The following C9orf85 variants were observed in gnomAD, a reference collection of about 807,000 sequenced individuals.
The protein encoded by C9orf85 is uncharacterized protein C9orf85.
C9orf85 carries 16 observed loss-of-function variants against 14.9 expected under a neutral mutation model. That is an observed-to-expected ratio of 1.08 (90% CI 0.73 to 1.63). The LOEUF is 1.63. Among genes scored for constraint, C9orf85 ranks in the 40% most tolerant of loss-of-function variants. The pLI is 0.00. For missense variants in C9orf85, 172 were observed against 186.1 expected, an observed-to-expected ratio of 0.92 and a Z score of 0.44; for synonymous variants, 45 against 56.8, an observed-to-expected ratio of 0.79 and a Z score of 0.93.
chr9:71,971,580 T>G lies in C9orf85; in HGVS notation c.285T>G (p.Val95=). The change falls in exon 3 of 4, where the codon GTT becomes GTG. Residue 95 remains valine (V), a synonymous_variant. Transcript: ENST00000334731. ...MCRPCACELE[V]CAKCGKKEDI... ...GGCCATGTGCCTGTGAACTTGAAGT[T>G]TGCGCAAAATGTGGAAAGAAAGAAG... is the stretch of plus-strand genomic sequence containing the variant. The G allele has an allele frequency of 1.2e-6, 2 of 1,612,018 alleles. No individual in the cohort carries two copies.
chr9:71,974,410 A>G (rs527831656), downstream of C9orf85, among the ~76,000 whole-genome samples: 197 of 151,022 alleles, frequency 1.3e-3, 1 homozygote, highest in South Asian at 5.0e-3. Context: ...CACCTGGGTA[A>G]TTTTTGTATT....
chr9:71,952,479 C>T (rs1203898198), intron 2 of C9orf85, among the ~76,000 whole-genome samples: 1 of 152,202 alleles, frequency 6.6e-6, no homozygotes, highest in Non-Finnish European at 1.5e-5. Context: ...ATTCTCCTGC[C>T]TCAGCCTCCC....
chr9:71,956,000 T>C (rs1001949735), intron 2 of C9orf85, among the ~76,000 whole-genome samples: 9 of 152,110 alleles, frequency 5.9e-5, no homozygotes, highest in African/African-American at 2.2e-4. Flanking sequence ...AAAGGAAAAA[T>C]AAATGGATAC....
At chr9:71,968,158 C>CGT (rs1355998575) in intron 2 of C9orf85, among the ~76,000 whole-genome samples, 1 of 151,030 alleles carries the variant, frequency 6.6e-6, no homozygotes, top group East Asian at 1.9e-4. Flanking sequence ...AGTGAGCAAG[C>CGT]GTGTGTGCAA....
downstream of C9orf85, among the ~76,000 whole-genome samples, chr9:71,977,860 C>T (rs562291088): frequency 2.0e-5 from 3 of 152,272 alleles, no homozygotes; most frequent in East Asian, 5.8e-4. Flanking sequence ...GAATTGCTTA[C>T]TCATCTCTAT....
At position 71,978,892 on chromosome 9, in the gene C9orf85, G is replaced by A. The variant is rs140465604; in HGVS notation, c.324-3765G>A. On this transcript the variant is annotated intron_variant, in intron 3 of 3. Coordinates refer to the C9orf85 transcript ENST00000377031. ...CTACTAAAAATACAAAAAATTAGCC[G>A]GGCGTGGAGGCGGGTGCCTGTAGTC... is the stretch of plus-strand genomic sequence containing the variant. Among the ~76,000 whole-genome samples the A allele has an allele frequency of 3.7e-3, 568 of 152,244 alleles. 3 individuals are homozygous for A. The highest frequency in any genetic ancestry group is 0.013 in the African/African-American group (528 of 41,556).
intron 1 of C9orf85, among the ~76,000 whole-genome samples, chr9:71,931,014 T>C (rs2132274783): frequency 6.6e-6 from 1 of 152,258 alleles, no homozygotes; most frequent in East Asian, 1.9e-4. Context: ...AGATTTGGCT[T>C]AAATTTCAGG....
chr9:71,976,802 C>G (rs148638914), downstream of C9orf85, among the ~76,000 whole-genome samples: 638 of 151,532 alleles, frequency 4.2e-3, 5 homozygotes, highest in African/African-American at 0.014. Context: ...TGGCAAAAAG[C>G]CATTCCCATG....
intron 3 of C9orf85, among the ~76,000 whole-genome samples, chr9:71,982,264 T>A (rs1823110245): frequency 6.6e-6 from 1 of 152,134 alleles, no homozygotes; most frequent in African/African-American, 2.4e-5. Context: ...CATTCCATTG[T>A]ATGGACATAC....
intron 1 of C9orf85, among the ~76,000 whole-genome samples, chr9:71,932,763 A>G (rs2132278198): frequency 6.6e-6 from 1 of 152,332 alleles, no homozygotes; most frequent in Non-Finnish European, 1.5e-5. Context: ...TTCAAAGGAA[A>G]AAAGTAAATC....
intron 1 of C9orf85, among the ~76,000 whole-genome samples, chr9:71,944,176 G>A (rs1461420511): frequency 1.3e-5 from 2 of 151,692 alleles, no homozygotes; most frequent in Non-Finnish European, 2.9e-5. Context: ...AGAGGTTGCA[G>A]TGAGCTAAGA....
intron 2 of C9orf85, among the ~76,000 whole-genome samples, chr9:71,959,499 A>G (rs1822461434): frequency 6.6e-6 from 1 of 152,210 alleles, no homozygotes; most frequent in Non-Finnish European, 1.5e-5. Flanking sequence ...CTGTAGAGGT[A>G]GCAAGAACAG....
intron 1 of C9orf85, among the ~76,000 whole-genome samples, chr9:71,929,931 C>A: frequency 8.2e-6 from 1 of 122,428 alleles, no homozygotes; most frequent in African/African-American, 3.0e-5. Context: ...TCAAGCAAAT[C>A]TCTTAATTCT....
chr9:71,967,705 T>G (rs1822730491), intron 2 of C9orf85, among the ~76,000 whole-genome samples: 1 of 148,038 alleles, frequency 6.8e-6, no homozygotes, highest in South Asian at 2.1e-4. Context: ...TCAATCTCTA[T>G]GACCTTTCTT....
chr9:71,967,371 C>G (rs1250791141), intron 2 of C9orf85, among the ~76,000 whole-genome samples: 1 of 152,146 alleles, frequency 6.6e-6, no homozygotes, highest in Non-Finnish European at 1.5e-5. Flanking sequence ...TTCCATTGAT[C>G]TGTGTGTCCT....
intron 2 of C9orf85, among the ~76,000 whole-genome samples, chr9:71,950,789 T>C (rs1822224793): frequency 6.6e-6 from 1 of 152,210 alleles, no homozygotes; most frequent in African/African-American, 2.4e-5. Context: ...AACTAAATGA[T>C]GTAGATAAAG....
intron 2 of C9orf85, among the ~76,000 whole-genome samples, chr9:71,964,992 C>T (rs1822651343): frequency 6.6e-6 from 1 of 152,120 alleles, no homozygotes; most frequent in Non-Finnish European, 1.5e-5. Flanking sequence ...CAGCGGACAC[C>T]CTACCGGATC....
At chr9:71,913,427 A>T (rs952012877) in intron 1 of C9orf85, among the ~76,000 whole-genome samples, 5 of 152,214 alleles carry the variant, frequency 3.3e-5, no homozygotes, top group Non-Finnish European at 7.3e-5. Flanking sequence ...AAGTAAATAC[A>T]AATTATGATA....
At chr9:71,966,782 C>A (rs1822703958) in intron 2 of C9orf85, among the ~76,000 whole-genome samples, 1 of 152,162 alleles carries the variant, frequency 6.6e-6, no homozygotes, top group Admixed American at 6.5e-5. Context: ...TCTTGTTATG[C>A]AGATGAAACC....
Sources: gnomAD v4.1 joint callset for allele counts (sites outside exome capture counted in the v4.1 genomes callset) on GRCh38, gnomAD v4.1.1 for gene constraint, MANE v1.5 for transcripts, NCBI Gene and HGNC (gene_info 2026-07-23, HGNC 2026-07-21) for gene names.